The following DOCK3 variants were observed in gnomAD, a reference collection of about 807,000 sequenced individuals.
DOCK3 encodes the protein dedicator of cytokinesis protein 3.
DOCK3 carries 60 observed loss-of-function variants against 265.6 expected under a neutral mutation model. The ratio of observed to expected loss-of-function variants is 0.23; its 90% CI spans 0.18 to 0.28. The LOEUF (loss-of-function observed/expected upper bound fraction) is 0.28. Ranked by LOEUF, DOCK3 falls within the 10% of genes least tolerant of loss-of-function variation. DOCK3 has a pLI of 1.00. For synonymous variants in DOCK3, 881 were observed against 938.0 expected (o/e 0.94, Z 1.11); for missense variants, 1,981 against 2,594.3 (o/e 0.76, Z 5.14).
intron 1 of DOCK3, among the ~76,000 whole-genome samples, chr3:50,722,395 C>T (rs972387804): frequency 6.6e-6 from 1 of 152,154 alleles, no homozygotes; most frequent in African/African-American, 2.4e-5. Flanking sequence ...TGCCCAGATT[C>T]CTAACCCTGG....
chr3:51,065,277 A>C (rs974700254), intron 6 of DOCK3, among the ~76,000 whole-genome samples: 2 of 152,268 alleles, frequency 1.3e-5, no homozygotes, highest in East Asian at 3.9e-4. Flanking sequence ...TGAACTTTTA[A>C]GTGACCAGGT....
Position 51,170,374 on chromosome 3 carries a change from T to C in DOCK3, c.1037+9672T>C, listed in dbSNP as rs377035732. On this transcript the variant is annotated intron_variant, in intron 12 of 52. Transcript: ENST00000266037. ...AGTAGACTTCACCCATGAAGCCTTTTGGTCCTGGGCATTTCTTTGTTGGGA... is the reference window on the plus strand; with the variant it reads ...AGTAGACTTCACCCATGAAGCCTTTCGGTCCTGGGCATTTCTTTGTTGGGA... 1.2e-3 allele frequency among the ~76,000 whole-genome samples: 184 copies of C among 152,326 alleles called. 1 individual carries two copies. Among genetic ancestry groups the C allele is most frequent in the East Asian group, 3.5e-3 (18 of 5,184 alleles).
At chr3:50,736,030 C>G (rs1199675379) in intron 1 of DOCK3, among the ~76,000 whole-genome samples, 2 of 152,174 alleles carry the variant, frequency 1.3e-5, no homozygotes, top group African/African-American at 2.4e-5. Context: ...AGGTATATCT[C>G]CTAATGCTAT....
At chr3:50,797,334 T>A (rs2042844961) in intron 2 of DOCK3, among the ~76,000 whole-genome samples, 1 of 152,232 alleles carries the variant, frequency 6.6e-6, no homozygotes, top group African/African-American at 2.4e-5. Flanking sequence ...TCCGCTCTTC[T>A]CTAGGTCTAG....
At chr3:50,704,071 T>G (rs1267903757) in intron 1 of DOCK3, among the ~76,000 whole-genome samples, 4 of 152,146 alleles carry the variant, frequency 2.6e-5, no homozygotes, top group Non-Finnish European at 4.4e-5. Context: ...TAATTTTCAT[T>G]TATTTGTACA....
In DOCK3 at chr3:51,090,305, A is replaced by G; in HGVS notation, c.667A>G (p.Ser223Gly). 1 of 1,602,480 alleles carries G rather than the reference A, an allele frequency of 6.2e-7. No individual in the cohort carries two copies. Among genetic ancestry groups the G allele is most frequent in the Non-Finnish European group, 8.5e-7 (1 of 1,174,250 alleles). Reference sequence around the variant, plus strand: ...ACATCACTTCTTCCTCAGCCTGAAGAGTTTCACTTACAATACTATTGGGGA... The same window carrying G: ...ACATCACTTCTTCCTCAGCCTGAAGGGTTTCACTTACAATACTATTGGGGA... Reference protein sequence around the residue: ...VPHHFFLSLKSFTYNTIGEDT... With the variant: ...VPHHFFLSLKGFTYNTIGEDT... Residue 223 changes from serine (S) to glycine (G), a missense_variant, in exon 9 of 53, where the codon AGT becomes GGT. Coordinates refer to ENST00000266037, the MANE Select transcript of DOCK3 (RefSeq NM_004947.5).
intron 4 of DOCK3, among the ~76,000 whole-genome samples, chr3:50,904,676 C>G (rs561778418): frequency 3.3e-5 from 5 of 151,216 alleles, no homozygotes; most frequent in Non-Finnish European, 7.4e-5. Flanking sequence ...GGATATTAGC[C>G]CATTGTCAGA....
chr3:50,832,229 T>G (rs1332414722), intron 2 of DOCK3, among the ~76,000 whole-genome samples: 1 of 152,166 alleles, frequency 6.6e-6, no homozygotes, highest in East Asian at 1.9e-4. Context: ...GATTAAAGAC[T>G]TAAACGTAAG....
chr3:51,284,838 T>C (rs2081323079), intron 27 of DOCK3, among the ~76,000 whole-genome samples: 1 of 152,118 alleles, frequency 6.6e-6, no homozygotes, highest in East Asian at 1.9e-4. Flanking sequence ...GACTATCTCC[T>C]TAATAACCTA....
At chr3:50,979,511 C>T (rs933126736) in intron 5 of DOCK3, among the ~76,000 whole-genome samples, 10 of 152,034 alleles carry the variant, frequency 6.6e-5, no homozygotes, top group East Asian at 1.9e-4. Flanking sequence ...GGACTTCCTC[C>T]CCTCCTGCTC....
chr3:50,679,530 C>G lies in DOCK3; in HGVS notation c.37+4230C>G, dbSNP rs529937504. Among the ~76,000 whole-genome samples the G allele has an allele frequency of 6.6e-5, 10 of 152,160 alleles. No individual in the cohort carries two copies. The South Asian group carries it at 1.9e-3, about 28-fold the overall frequency. On this transcript the variant is annotated intron_variant, in intron 1 of 52. Transcript: ENST00000266037. ...AAACAAACAAACAAACAAACAAATC[C>G]TGAGTCCTTAAAAGAAACTTGTAAA...
intron 2 of DOCK3, among the ~76,000 whole-genome samples, chr3:50,831,270 G>T (rs1434263459): frequency 2.0e-5 from 3 of 150,284 alleles, no homozygotes; most frequent in Non-Finnish European, 4.4e-5. Flanking sequence ...TAAATTCTGG[G>T]ATACATGTGC....
At chr3:50,797,272 T>C (rs2042840794) in intron 2 of DOCK3, among the ~76,000 whole-genome samples, 1 of 152,022 alleles carries the variant, frequency 6.6e-6, no homozygotes, top group African/African-American at 2.4e-5. Context: ...GGTGGGGCGC[T>C]GTCAGGCGCA....
At chr3:51,047,750 A>G (rs185338410) in intron 5 of DOCK3, among the ~76,000 whole-genome samples, 145 of 152,314 alleles carry the variant, frequency 9.5e-4, no homozygotes, top group Non-Finnish European at 1.6e-3. Flanking sequence ...TTAGTAATCA[A>G]AAATCTCCCA....
chr3:51,200,848 G>A (rs1194737810), intron 12 of DOCK3, among the ~76,000 whole-genome samples: 2 of 152,154 alleles, frequency 1.3e-5, no homozygotes, highest in African/African-American at 4.8e-5. Context: ...CTACAAGCCA[G>A]AAGAGAGTGG....
rs1560003747 is a variant in DOCK3, at chr3:51,059,488, CACACA to C, written c.316-4959_316-4955del. Among the ~76,000 whole-genome samples, 45 of 150,264 alleles carry C rather than the reference CACACA, an allele frequency of 3.0e-4. 1 individual carries two copies. The highest frequency in any genetic ancestry group is 2.4e-3 in the Admixed American group (35 of 14,876). On this transcript the variant is annotated intron_variant, in intron 5 of 52. Coordinates refer to ENST00000266037, the MANE Select transcript of DOCK3 (RefSeq NM_004947.5). ...ACACACACACACACACACACACACACACACACCCCACATCCCACATTACTTTTAAT... is the reference window on the plus strand; with the variant it reads ...ACACACACACACACACACACACACACCCCCACATCCCACATTACTTTTAAT...
At chr3:51,220,666 A>AT (rs1232053165) in intron 14 of DOCK3, among the ~76,000 whole-genome samples, 288 of 102,022 alleles carry the variant, frequency 2.8e-3, no homozygotes, top group South Asian at 0.02. Flanking sequence ...CAAAAAAAAA[A>AT]AAAAATATAT....
At chr3:51,181,211 A>G (rs1469975037) in intron 12 of DOCK3, among the ~76,000 whole-genome samples, 2 of 152,056 alleles carry the variant, frequency 1.3e-5, no homozygotes, top group Non-Finnish European at 2.9e-5. Flanking sequence ...ATATGTATAC[A>G]TGTGCCATGT....
intron 1 of DOCK3, among the ~76,000 whole-genome samples, chr3:50,729,611 C>T (rs1384820957): frequency 1.3e-5 from 2 of 151,772 alleles, no homozygotes; most frequent in Non-Finnish European, 2.9e-5. Context: ...TCATAGCTCA[C>T]TGTAACCTTG....
Sources: allele counts gnomAD v4.1 joint callset (sites outside exome capture counted in the v4.1 genomes callset), GRCh38; gene constraint gnomAD v4.1.1; transcripts MANE v1.5; gene names NCBI Gene and HGNC (gene_info 2026-07-23, HGNC 2026-07-21).